The following CSMD3 variants were observed in gnomAD, a reference collection of about 807,000 sequenced individuals.
The protein encoded by CSMD3 is CUB and sushi domain-containing protein 3.
A neutral mutation model predicts 435.2 loss-of-function variants in CSMD3; 177 were observed. The observed-to-expected ratio is 0.41, with a 90% confidence interval of 0.36 to 0.46. CSMD3 has a LOEUF of 0.46. Ranked by LOEUF, CSMD3 falls within the 20% of genes least tolerant of loss-of-function variation. The pLI is 0.34. For synonymous variants in CSMD3, 1,656 were observed against 1,520.5 expected (o/e 1.09, Z -2.07); for missense variants, 4,265 against 4,504.6 (o/e 0.95, Z 1.52).
At chr8:112,563,090 G>C (rs1433766138) in intron 24 of CSMD3, among the ~76,000 whole-genome samples, 1 of 151,524 alleles carries the variant, frequency 6.6e-6, no homozygotes, top group Non-Finnish European at 1.5e-5. Context: ...ACAAACAACA[G>C]CTGCAATAAT....
rs767071571 is a variant in CSMD3 at position 112,556,824 on chromosome 8, G to A, written c.4173C>T (p.Ser1391=). The stretch of plus-strand genomic sequence containing the variant: ...TCTCCCCTGTCATGCACTTGAGAAG[G>A]CTACTTCCGTGGAGAGTGTAGCCTG... ...CNPGYTLHGS[S]LLKCMTGERR... Residue 1391 remains serine (S), a synonymous_variant, in exon 25 of 71, where the codon AGC becomes AGT. Coordinates refer to ENST00000297405, the MANE Select transcript of CSMD3 (RefSeq NM_198123.2). The A allele has an allele frequency of 1.9e-6, 3 of 1,612,534 alleles. No individual in the cohort carries two copies. Among genetic ancestry groups the A allele is most frequent in the East Asian group, 2.2e-5 (1 of 44,816 alleles).
chr8:112,536,912 T>G (rs1230048661), intron 27 of CSMD3, among the ~76,000 whole-genome samples: 1 of 151,654 alleles, frequency 6.6e-6, no homozygotes, highest in Non-Finnish European at 1.5e-5. Context: ...AGTAAACTAT[T>G]GCAAGAACAA....
At chr8:113,358,750 T>G (rs2094250976) in intron 1 of CSMD3, among the ~76,000 whole-genome samples, 4 of 152,092 alleles carry the variant, frequency 2.6e-5, no homozygotes, top group Admixed American at 2.6e-4. Context: ...AAAAGCATAC[T>G]GTATAATGCT....
At chr8:112,237,432 T>A (rs1168507057) in intron 66 of CSMD3, 84 bp from the exon 67 acceptor site, 1 of 968,790 alleles carries the variant, frequency 1.0e-6, no homozygotes, top group Non-Finnish European at 1.6e-6. Context: ...GTTTATTGAA[T>A]AATGATGTAT....
intron 59 of CSMD3, among the ~76,000 whole-genome samples, chr8:112,274,915 GT>G (rs1817885348): frequency 6.6e-6 from 1 of 152,190 alleles, no homozygotes; most frequent in Non-Finnish European, 1.5e-5. Context: ...AATTAAAGTT[GT>G]TTAACTACGC....
At chr8:112,595,006 C>A (rs947865498) in intron 22 of CSMD3, among the ~76,000 whole-genome samples, 2 of 152,158 alleles carry the variant, frequency 1.3e-5, no homozygotes, top group African/African-American at 4.8e-5. Context: ...TGGAACAAAG[C>A]TGAATGGAGA....
rs1435372150 is a variant in CSMD3 at position 112,413,819 on chromosome 8, C to G, written c.5396-4787G>C. On this transcript the variant is annotated intron_variant, in intron 32 of 70. Coordinates refer to ENST00000297405, the MANE Select transcript of CSMD3 (RefSeq NM_198123.2). The stretch of plus-strand genomic sequence containing the variant: ...ATGTTTAATCAGGCTCTTCTGAATC[C>G]TCTTCCCAACTAGGCCCTGACTATT... Among the ~76,000 whole-genome samples the G allele has an allele frequency of 2.6e-5, 4 of 152,308 alleles. No individual in the cohort carries two copies. In the South Asian group the frequency reaches 8.3e-4, roughly 32 times the overall value.
intron 4 of CSMD3, among the ~76,000 whole-genome samples, chr8:113,147,804 A>G (rs1318827414): frequency 6.6e-6 from 1 of 151,704 alleles, no homozygotes; most frequent in Non-Finnish European, 1.5e-5. Context: ...AGGCCTTACC[A>G]TTCACACATA....
chr8:113,132,489 C>G (rs1047497111), intron 4 of CSMD3, among the ~76,000 whole-genome samples: 3 of 151,990 alleles, frequency 2.0e-5, no homozygotes, highest in African/African-American at 7.2e-5. Flanking sequence ...GGCACTTCTC[C>G]CTTCTCTCTC....
intron 2 of CSMD3, among the ~76,000 whole-genome samples, chr8:113,303,210 T>G (rs1403320554): frequency 1.4e-5 from 2 of 141,508 alleles, no homozygotes; most frequent in East Asian, 2.1e-4. Flanking sequence ...ACAAGGGATG[T>G]GAAGGACCTC....
chr8:112,715,164 A>G (rs993278479), intron 13 of CSMD3, among the ~76,000 whole-genome samples: 7 of 152,142 alleles, frequency 4.6e-5, no homozygotes, highest in African/African-American at 1.7e-4. Flanking sequence ...AACAAAATAG[A>G]TAGACCACTA....
intron 57 of CSMD3, 75 bp downstream of exon 57, chr8:112,289,290 G>C: frequency 1.7e-6 from 2 of 1,163,134 alleles, no homozygotes. Flanking sequence ...AGATTGTTTT[G>C]TGTATACGTT....
chr8:113,012,231 T>C (rs1483566850), intron 6 of CSMD3, among the ~76,000 whole-genome samples: 3 of 151,716 alleles, frequency 2.0e-5, no homozygotes, highest in Admixed American at 1.3e-4. Flanking sequence ...AGATAATAAT[T>C]TAAATATATT....
chr8:112,644,659 T>C (rs1270225683), intron 20 of CSMD3, among the ~76,000 whole-genome samples: 1 of 152,074 alleles, frequency 6.6e-6, no homozygotes, highest in African/African-American at 2.4e-5. Context: ...TGGCTATAAA[T>C]TTATATAGAG....
intron 38 of CSMD3, among the ~76,000 whole-genome samples, chr8:112,372,286 G>T (rs944596433): frequency 6.6e-6 from 1 of 152,148 alleles, no homozygotes; most frequent in Non-Finnish European, 1.5e-5. Context: ...CAAAATTCAT[G>T]TGTGAAAAAT....
intron 31 of CSMD3, among the ~76,000 whole-genome samples, chr8:112,475,619 A>C (rs1818969091): frequency 1.3e-5 from 2 of 152,084 alleles, no homozygotes; most frequent in South Asian, 2.1e-4. Flanking sequence ...GTGCAAAAGT[A>C]ATTGCGGTTT....
intron 22 of CSMD3, among the ~76,000 whole-genome samples, chr8:112,606,397 G>C (rs1008267644): frequency 1.3e-5 from 2 of 152,184 alleles, no homozygotes; most frequent in African/African-American, 4.8e-5. Flanking sequence ...AGAGAGAAGG[G>C]AGGCTGCAGA....
chr8:112,404,715 TTATTTTCATATGGCA>T (rs1233768300), intron 35 of CSMD3, among the ~76,000 whole-genome samples: 1 of 152,044 alleles, frequency 6.6e-6, no homozygotes, highest in Non-Finnish European at 1.5e-5. Context: ...CAAATATAAT[TTATTTTCATATGGCA>T]AAATGTGTTA....
intron 13 of CSMD3, among the ~76,000 whole-genome samples, chr8:112,698,042 G>A (rs11986643): frequency 0.012 from 1,797 of 152,192 alleles, 37 homozygotes; most frequent in African/African-American, 0.041. Context: ...TGGCACCAGA[G>A]GTTGAGGAGA....
Sources: gnomAD v4.1 joint callset for allele counts (sites outside exome capture counted in the v4.1 genomes callset) on GRCh38, gnomAD v4.1.1 for gene constraint, MANE v1.5 for transcripts, NCBI Gene and HGNC (gene_info 2026-07-23, HGNC 2026-07-21) for gene names.